TMEM272: variants seen among roughly 807,000 people sequenced by gnomAD.
The protein encoded by TMEM272 is long intergenic non-protein coding RNA 282.
A neutral mutation model predicts 3.7 loss-of-function variants in TMEM272; 8 were observed. That is an observed-to-expected ratio of 2.17 (90% CI 1.27 to 3.91). The LOEUF (loss-of-function observed/expected upper bound fraction) is 3.91. TMEM272 is among the 30% of genes most tolerant of loss of function. The pLI is 0.00. For synonymous variants in TMEM272, 63 were observed against 39.8 expected, an observed-to-expected ratio of 1.58 and a Z score of -2.20; for missense variants, 166 against 91.5, an observed-to-expected ratio of 1.81 and a Z score of -3.32.
chr13:51,865,562 A>T, the TMEM272 span: 138 of 1,614,230 alleles, frequency 8.5e-5, no homozygotes, highest in East Asian at 2.3e-3. Context: ...TCGTGAAAAA[A>T]TAGAGGACTT....
chr13:51,860,808 T>C, the TMEM272 span, among the ~76,000 whole-genome samples: 2 of 132,036 alleles, frequency 1.5e-5, no homozygotes, highest in South Asian at 4.9e-4. Context: ...AGAAAAAATA[T>C]ATATATAGAA....
the TMEM272 span, among the ~76,000 whole-genome samples, chr13:51,863,666 C>CAG: frequency 2.6e-5 from 2 of 76,550 alleles, no homozygotes; most frequent in Admixed American, 3.2e-4. Flanking sequence ...TATGCACGCG[C>CAG]ACACAGACAC....
At chr13:51,902,246 C>A in the TMEM272 span, among the ~76,000 whole-genome samples, 2 of 152,134 alleles carry the variant, frequency 1.3e-5, no homozygotes, top group Admixed American at 1.3e-4. Context: ...TTCCCAGTTG[C>A]CTTGTTACAT....
At chr13:51,833,410 AG>A (rs145226664) in intron 2 of TMEM272, among the ~76,000 whole-genome samples, 2,057 of 152,308 alleles carry the variant, frequency 0.014, 54 homozygotes, top group African/African-American at 0.046. Context: ...GAACCTTTGG[AG>A]AAAATGAGGA....
the TMEM272 span, among the ~76,000 whole-genome samples, chr13:51,854,445 T>G: frequency 6.6e-6 from 1 of 152,224 alleles, no homozygotes; most frequent in Non-Finnish European, 1.5e-5. Context: ...ATGCAACCAT[T>G]TGATCACCTT....
At chr13:51,878,593 T>C in the TMEM272 span, among the ~76,000 whole-genome samples, 2 of 152,094 alleles carry the variant, frequency 1.3e-5, no homozygotes, top group Non-Finnish European at 2.9e-5. Context: ...AAGATGAGAT[T>C]TGGGTGGGAA....
intron 1 of TMEM272, among the ~76,000 whole-genome samples, chr13:51,840,721 T>G (rs576302789): frequency 4.6e-5 from 7 of 152,226 alleles, no homozygotes; most frequent in Non-Finnish European, 1.0e-4. Context: ...TCTTCAGTAA[T>G]GTTTAATGAA....
chr13:51,856,600 T>C, the TMEM272 span, among the ~76,000 whole-genome samples: 4 of 152,346 alleles, frequency 2.6e-5, no homozygotes, highest in African/African-American at 7.2e-5. Context: ...GAGTCAACTA[T>C]GTCAGATTTC....
upstream of TMEM272, among the ~76,000 whole-genome samples, chr13:51,850,121 A>C (rs1303876013): frequency 6.6e-6 from 1 of 152,200 alleles, no homozygotes; most frequent in Non-Finnish European, 1.5e-5. Context: ...CCCTGGGGAA[A>C]GAAAAACCCT....
chr13:51,865,807 G>C, the TMEM272 span: 1 of 1,614,214 alleles, frequency 6.2e-7, no homozygotes, highest in South Asian at 1.1e-5. Flanking sequence ...ATGCCTTATG[G>C]GAAAGAGACC....
chr13:51,874,068 A>G, the TMEM272 span, among the ~76,000 whole-genome samples: 32 of 152,324 alleles, frequency 2.1e-4, no homozygotes, highest in African/African-American at 7.7e-4. Context: ...TATGAAAGTC[A>G]TTGTGTGAGG....
At chr13:51,893,712 G>GC in the TMEM272 span, among the ~76,000 whole-genome samples, 1 of 152,026 alleles carries the variant, frequency 6.6e-6, no homozygotes, top group African/African-American at 2.4e-5. Flanking sequence ...CTCAGAGGAG[G>GC]CCACACAGTT....
At position 51,813,916 on chromosome 13, in the gene TMEM272, T is replaced by G. The variant is rs1372858354; in HGVS notation, c.*2835A>C. ...CATAATTTGTTCCCTTGAGGTTTCATAGCATCCAGAAAGTTCAGGTGTTCC... is the reference window on the plus strand; with the variant it reads ...CATAATTTGTTCCCTTGAGGTTTCAGAGCATCCAGAAAGTTCAGGTGTTCC... On this transcript the variant is annotated 3_prime_UTR_variant, in exon 5 of 5. Transcript: ENST00000629372. The G allele has an allele frequency of 6.6e-6, 1 of 152,232 alleles. No individual in the cohort carries two copies. Among genetic ancestry groups the G allele is most frequent in the African/African-American group, 2.4e-5 (1 of 41,448 alleles). The allele number at this position is 152,232 out of a possible 1,614,324, so 9.4% of individuals were successfully genotyped here.
intron 1 of TMEM272, among the ~76,000 whole-genome samples, chr13:51,841,299 G>C (rs546326966): frequency 1.3e-5 from 2 of 152,230 alleles, no homozygotes; most frequent in Non-Finnish European, 2.9e-5. Context: ...CTGGATCACA[G>C]AAGGGATAGA....
At chr13:51,869,471 A>C in the TMEM272 span, among the ~76,000 whole-genome samples, 1 of 151,294 alleles carries the variant, frequency 6.6e-6, no homozygotes, top group South Asian at 2.1e-4. Flanking sequence ...TAAGTTAAAA[A>C]ACCCAGTCCC....
the TMEM272 span, among the ~76,000 whole-genome samples, chr13:51,855,848 C>T: frequency 0.33 from 50,618 of 151,916 alleles, 8,667 homozygotes; most frequent in East Asian, 0.43. Context: ...GAAAATAAGA[C>T]GACATATTTA....
chr13:51,863,083 A>G, the TMEM272 span, among the ~76,000 whole-genome samples: 1 of 152,236 alleles, frequency 6.6e-6, no homozygotes, highest in East Asian at 1.9e-4. Context: ...CAGGAATTCA[A>G]GCCCACCACA....
In TMEM272 at chr13:51,814,135, C is replaced by A. The variant is rs916924477; in HGVS notation, c.*2616G>T. ...AGGAACTTCTTACACTCACCTCCAG[C>A]TCAGTGAAATTATACTAAGAGGTGA... On this transcript the variant is annotated 3_prime_UTR_variant, in exon 5 of 5. Coordinates refer to ENST00000629372, the MANE Select transcript of TMEM272 (RefSeq NM_001351003.2). The A allele has an allele frequency of 6.6e-6, 1 of 152,296 alleles. No individual in the cohort carries two copies. Among genetic ancestry groups the A allele is most frequent in the South Asian group, 2.1e-4 (1 of 4,834 alleles). The allele number at this position is 152,296 out of a possible 1,614,324, so 9.4% of individuals were successfully genotyped here. A position where few individuals can be genotyped will look rare whatever the true frequency, so the allele number is the denominator to read the frequency against.
chr13:51,829,214 T>G (rs1012730763), intron 2 of TMEM272, among the ~76,000 whole-genome samples: 5 of 152,192 alleles, frequency 3.3e-5, no homozygotes, highest in African/African-American at 1.2e-4. Flanking sequence ...CATTTAAAAC[T>G]GACATTATGC....
Sources: allele counts gnomAD v4.1 joint callset (sites outside exome capture counted in the v4.1 genomes callset), GRCh38; gene constraint gnomAD v4.1.1; transcripts MANE v1.5; gene names NCBI Gene and HGNC (gene_info 2026-07-23, HGNC 2026-07-21).